The following TAMM41 variants were observed in gnomAD, a reference collection of about 807,000 sequenced individuals.
TAMM41 encodes phosphatidate cytidylyltransferase, mitochondrial.
A neutral mutation model predicts 44.1 loss-of-function variants in TAMM41; 36 were observed. The ratio of observed to expected loss-of-function variants is 0.82; its 90% CI spans 0.63 to 1.08. TAMM41 has a LOEUF of 1.08. TAMM41 is among the 50% of genes least tolerant of loss of function. The pLI is 0.00. For synonymous variants in TAMM41, 164 were observed against 153.1 expected, an observed-to-expected ratio of 1.07 and a Z score of -0.53; for missense variants, 417 against 404.3, an observed-to-expected ratio of 1.03 and a Z score of -0.27.
chr3:11,726,274 T>C, the TAMM41 span, among the ~76,000 whole-genome samples: 1 of 152,378 alleles, frequency 6.6e-6, no homozygotes, highest in African/African-American at 2.4e-5. Context: ...AGATGTGGGT[T>C]CTAGTTCACA....
chr3:11,759,234 T>C, the TAMM41 span, among the ~76,000 whole-genome samples: 2 of 152,058 alleles, frequency 1.3e-5, no homozygotes, highest in Non-Finnish European at 2.9e-5. Flanking sequence ...TCAGCCCCAC[T>C]CCGTACTGCT....
chr3:11,777,943 C>T, the TAMM41 span, among the ~76,000 whole-genome samples: 9 of 152,144 alleles, frequency 5.9e-5, no homozygotes, highest in Admixed American at 1.3e-4. Flanking sequence ...TACCCACTTC[C>T]GGCCCTCAGC....
At chr3:11,842,362 C>T (rs1176312205) in intron 2 of TAMM41, among the ~76,000 whole-genome samples, 1 of 147,524 alleles carries the variant, frequency 6.8e-6, no homozygotes, top group Non-Finnish European at 1.5e-5. Flanking sequence ...CCATTGCACT[C>T]CAGCCTGGGC....
At chr3:11,818,625 G>A (rs560081463) in intron 4 of TAMM41, among the ~76,000 whole-genome samples, 10 of 152,192 alleles carry the variant, frequency 6.6e-5, no homozygotes, top group South Asian at 2.1e-4. Context: ...GGCTGGGCGC[G>A]GTGGCTCACA....
chr3:11,744,781 C>A, the TAMM41 span, among the ~76,000 whole-genome samples: 8 of 152,132 alleles, frequency 5.3e-5, no homozygotes, highest in Admixed American at 5.2e-4. Context: ...AATCCCAACA[C>A]TTCAGGAGGC....
chr3:11,779,399 C>A, the TAMM41 span, among the ~76,000 whole-genome samples: 7 of 152,166 alleles, frequency 4.6e-5, no homozygotes, highest in Admixed American at 1.3e-4. Context: ...TCACTCACTC[C>A]AGTGAGAATG....
chr3:11,776,095 G>T, the TAMM41 span, among the ~76,000 whole-genome samples: 1 of 150,266 alleles, frequency 6.7e-6, no homozygotes, highest in Non-Finnish European at 1.5e-5. Context: ...CTCACTGCAA[G>T]CTCCGCCTCC....
At chr3:11,794,157 T>A (rs2077551333) in intron 7 of TAMM41, among the ~76,000 whole-genome samples, 1 of 151,806 alleles carries the variant, frequency 6.6e-6, no homozygotes, top group Non-Finnish European at 1.5e-5. Flanking sequence ...AATTTTTTTT[T>A]TTTTTTTTTT....
chr3:11,798,503 T>TGAA (rs2077666403), intron 7 of TAMM41, among the ~76,000 whole-genome samples: 1 of 151,762 alleles, frequency 6.6e-6, no homozygotes, highest in African/African-American at 2.4e-5. Context: ...TACTGATGGG[T>TGAA]GAAGGATGGG....
chr3:11,817,364 T>C, intron 4 of TAMM41, 27 bp from the exon 5 acceptor site: 1 of 1,592,090 alleles, frequency 6.3e-7, no homozygotes, highest in Non-Finnish European at 8.6e-7. Context: ...GATAAACACA[T>C]CTTCCATTAA....
intron 7 of TAMM41, among the ~76,000 whole-genome samples, chr3:11,797,767 G>C (rs975691257): frequency 6.6e-6 from 1 of 152,074 alleles, no homozygotes; most frequent in Non-Finnish European, 1.5e-5. Context: ...TTTATGTCCA[G>C]CATCTATAAA....
intron 3 of TAMM41, among the ~76,000 whole-genome samples, chr3:11,830,332 G>GA (rs1489801836): frequency 2.0e-5 from 3 of 152,028 alleles, no homozygotes; most frequent in Admixed American, 6.6e-5. Context: ...CTTGACTAAG[G>GA]AAAAATGAAA....
the TAMM41 span, among the ~76,000 whole-genome samples, chr3:11,747,251 C>T: frequency 1.1e-4 from 17 of 151,856 alleles, no homozygotes; most frequent in East Asian, 9.8e-4. Context: ...TTAGTAGAGA[C>T]GGGGTTTCGC....
intron 7 of TAMM41, among the ~76,000 whole-genome samples, chr3:11,802,399 G>T (rs1389933048): frequency 6.6e-6 from 1 of 152,064 alleles, no homozygotes; most frequent in East Asian, 1.9e-4. Flanking sequence ...ACATACAGAA[G>T]ATCATCAGAG....
chr3:11,749,965 T>G, the TAMM41 span, among the ~76,000 whole-genome samples: 8 of 151,198 alleles, frequency 5.3e-5, no homozygotes, highest in Non-Finnish European at 1.2e-4. Context: ...TGGCACGATC[T>G]GGGCTCACTG....
intron 7 of TAMM41, among the ~76,000 whole-genome samples, chr3:11,804,293 T>G (rs984414803): frequency 6.6e-6 from 1 of 152,118 alleles, no homozygotes; most frequent in African/African-American, 2.4e-5. Context: ...AATTCAAACT[T>G]AAATAACAGA....
intron 4 of TAMM41, among the ~76,000 whole-genome samples, chr3:11,827,212 C>T (rs953557571): frequency 6.6e-6 from 1 of 152,168 alleles, no homozygotes; most frequent in Admixed American, 6.5e-5. Context: ...TTCAAGGTGA[C>T]TCTTTAAAAT....
the TAMM41 span, among the ~76,000 whole-genome samples, chr3:11,775,530 TTAAA>T: frequency 4.7e-4 from 72 of 152,354 alleles, no homozygotes; most frequent in Middle Eastern, 3.4e-3. Flanking sequence ...TGTGCTGAGT[TTAAA>T]TAAAGTCACG....
At chr3:11,824,963 G>A (rs1445643517) in intron 4 of TAMM41, among the ~76,000 whole-genome samples, 1 of 152,144 alleles carries the variant, frequency 6.6e-6, no homozygotes, top group African/African-American at 2.4e-5. Context: ...AGGCCCACTG[G>A]GGTGGGTGTG....
Sources: allele counts gnomAD v4.1 joint callset (sites outside exome capture counted in the v4.1 genomes callset), GRCh38; gene constraint gnomAD v4.1.1; transcripts MANE v1.5; gene names NCBI Gene and HGNC (gene_info 2026-07-23, HGNC 2026-07-21).